Variants in LIN54 observed in about 807,000 individuals in gnomAD.
LIN54 encodes lin-54 DREAM MuvB core complex component.
LIN54 carries 9 observed loss-of-function variants against 78.7 expected under a neutral mutation model. The observed-to-expected ratio is 0.11, with a 90% CI of 0.07 to 0.20. The LOEUF (loss-of-function observed/expected upper bound fraction) is 0.20, where lower values mean the gene tolerates loss of function less well. Among genes scored for constraint, LIN54 ranks in the 10% least tolerant of loss-of-function variants. The pLI is 1.00. For synonymous variants in LIN54, 269 were observed against 318.4 expected (o/e 0.84, Z 1.65); for missense variants, 573 against 889.9 (o/e 0.64, Z 4.53).
chr4:82,932,610 G>A (rs1010957937), intron 11 of LIN54, among the ~76,000 whole-genome samples: 3 of 150,036 alleles, frequency 2.0e-5, no homozygotes, highest in South Asian at 2.1e-4. Flanking sequence ...CCTGAGGTCC[G>A]GAGTTCAAGA....
chr4:83,004,799 C>G (rs1578669953), intron 1 of LIN54, among the ~76,000 whole-genome samples: 1 of 151,956 alleles, frequency 6.6e-6, no homozygotes, highest in African/African-American at 2.4e-5. Context: ...GTGCCTGACC[C>G]AAAGATTGTT....
chr4:82,969,070 A>G (rs1725442942), intron 4 of LIN54, among the ~76,000 whole-genome samples: 1 of 152,056 alleles, frequency 6.6e-6, no homozygotes, highest in South Asian at 2.1e-4. Flanking sequence ...CCCTGAAGAT[A>G]AAGAAACCGT....
chr4:82,995,572 T>C (rs1040834516), intron 1 of LIN54, among the ~76,000 whole-genome samples: 1 of 138,332 alleles, frequency 7.2e-6, no homozygotes, highest in Admixed American at 8.1e-5. Flanking sequence ...CTCAGTTCAC[T>C]GCAACCTCTG....
intron 4 of LIN54, among the ~76,000 whole-genome samples, chr4:82,956,115 A>AT (rs961622101): frequency 5.9e-5 from 9 of 151,754 alleles, no homozygotes; most frequent in Non-Finnish European, 1.2e-4. Context: ...GCGCGGCTAA[A>AT]TTTTTTAGTA....
In LIN54 at chr4:82,925,791, G is replaced by A. The variant is rs901188502; in HGVS notation, c.*2311C>T. On this transcript the variant is annotated 3_prime_UTR_variant, in exon 13 of 13. Coordinates refer to ENST00000340417, the MANE Select transcript of LIN54 (RefSeq NM_194282.4). ...TCCTGTTTTTACAATATAGAAAAGT[G>A]TATTCTTTGAATAGCTCTAGTAAAT... 2 of 152,548 alleles carry A rather than the reference G, an allele frequency of 1.3e-5. No homozygotes were observed. The highest frequency in any genetic ancestry group is 4.8e-5 in the African/African-American group (2 of 41,434). The allele number at this position is 152,548 out of a possible 1,614,324, so 9.4% of individuals were successfully genotyped here. A position where few individuals can be genotyped will look rare whatever the true frequency, so the allele number is the denominator to read the frequency against.
Position 82,980,764 on chromosome 4 carries a change from C to T in LIN54, c.685-1758G>A, listed in dbSNP as rs1726569645. Reference sequence around the variant, plus strand: ...ATTGTATCTATAATATTAACAATCTCTAGAGGTAGAAGTATTAATATTCTT... The same window carrying T: ...ATTGTATCTATAATATTAACAATCTTTAGAGGTAGAAGTATTAATATTCTT... On this transcript the variant is annotated intron_variant, in intron 2 of 12. Coordinates refer to ENST00000340417, the MANE Select transcript of LIN54 (RefSeq NM_194282.4). Among the ~76,000 whole-genome samples the T allele has an allele frequency of 2.0e-5, 3 of 152,030 alleles. No homozygotes were observed. In the South Asian group the frequency reaches 6.2e-4, roughly 31 times the overall value.
chr4:82,936,242 A>G (rs560534585), intron 10 of LIN54, 37 bp downstream of exon 10: 37 of 1,511,638 alleles, frequency 2.4e-5, no homozygotes, highest in Middle Eastern at 3.5e-4. Context: ...ATGAAACTGG[A>G]TATTTCTGTC....
upstream of LIN54, chr4:83,012,053 A>G: frequency 1.0e-6 from 1 of 985,334 alleles, no homozygotes; most frequent in Non-Finnish European, 1.2e-6. Context: ...AAAAGTCGGT[A>G]GATTCAGCCT....
At position 82,987,418 on chromosome 4, in the gene LIN54, A is replaced by C. The variant is rs1302677704; in HGVS notation, c.-32-2542T>G. On this transcript the variant is annotated intron_variant, in intron 1 of 12. Coordinates refer to ENST00000340417, the MANE Select transcript of LIN54 (RefSeq NM_194282.4). ...TACTTTTCTAAGAAAAAAACAAAAA[A>C]CAAAAAACAAACGGGATACATGTGC... 2.0e-5 allele frequency among the ~76,000 whole-genome samples: 3 copies of C among 152,306 alleles called. No individual in the cohort carries two copies. In the South Asian group the frequency reaches 6.2e-4, roughly 32 times the overall value.
chr4:82,941,149 G>GATATATATATAGATATATATATAT (rs1553947747), intron 5 of LIN54, among the ~76,000 whole-genome samples: 3 of 131,144 alleles, frequency 2.3e-5, no homozygotes, highest in African/African-American at 9.1e-5. Context: ...GAGTTAAGAG[G>GATATATATATAGATATATATATAT]ATATATATAT....
intron 1 of LIN54, among the ~76,000 whole-genome samples, chr4:82,997,837 C>A (rs1283403628): frequency 6.6e-6 from 1 of 150,880 alleles, no homozygotes; most frequent in East Asian, 1.9e-4. Flanking sequence ...TGCAAAAATA[C>A]AAAAAAATTA....
chr4:82,957,664 G>C (rs1161282505), intron 4 of LIN54, among the ~76,000 whole-genome samples: 1 of 152,114 alleles, frequency 6.6e-6, no homozygotes, highest in Non-Finnish European at 1.5e-5. Flanking sequence ...GAAAACCTTA[G>C]CTTAGGATGC....
intron 4 of LIN54, among the ~76,000 whole-genome samples, chr4:82,954,015 C>T (rs1196109905): frequency 6.6e-6 from 1 of 151,984 alleles, no homozygotes; most frequent in Non-Finnish European, 1.5e-5. Flanking sequence ...TTAAAAAAAA[C>T]TATCTGTTCC....
chr4:82,940,680 C>T (rs1259911364), intron 5 of LIN54, among the ~76,000 whole-genome samples: 1 of 152,206 alleles, frequency 6.6e-6, no homozygotes, highest in African/African-American at 2.4e-5. Context: ...GGATTATAGG[C>T]GTAAGCCACT....
chr4:82,981,963 G>A (rs921006259), intron 2 of LIN54, among the ~76,000 whole-genome samples: 1 of 152,036 alleles, frequency 6.6e-6, no homozygotes, highest in Non-Finnish European at 1.5e-5. Context: ...GAGCTTGGGG[G>A]GTCAAGGCTG....
chr4:82,967,644 G>A (rs1725310631), intron 4 of LIN54, among the ~76,000 whole-genome samples: 1 of 152,228 alleles, frequency 6.6e-6, no homozygotes, highest in East Asian at 1.9e-4. Flanking sequence ...AAAGGCAGCT[G>A]GAGAGTACAC....
rs149775189 is a variant in LIN54, at chr4:82,984,669, G to A, written c.176C>T (p.Thr59Met). The A allele has an allele frequency of 2.0e-5, 33 of 1,614,030 alleles. No homozygotes were observed. The highest frequency in any genetic ancestry group is 1.3e-4 in the East Asian group (6 of 44,892). ...NINSTGDSTA[T>M]PISTEPITVY... ...TGTGATTGGTTCCGTGGAAATGGGC[G>A]TGGCTGTAGAGTCACCAGTAGAATT... Residue 59 changes from threonine (T) to methionine (M), a missense_variant, in exon 2 of 13, where the codon ACG (threonine) becomes ATG (methionine). Coordinates refer to ENST00000340417, the MANE Select transcript of LIN54 (RefSeq NM_194282.4).
intron 4 of LIN54, among the ~76,000 whole-genome samples, chr4:82,964,328 G>A (rs555290574): frequency 2.0e-5 from 3 of 152,164 alleles, no homozygotes; most frequent in African/African-American, 7.2e-5. Flanking sequence ...TGGGATTACA[G>A]GTGTAAGCCA....
intron 5 of LIN54, among the ~76,000 whole-genome samples, chr4:82,945,410 G>T (rs181258018): frequency 0.014 from 2,137 of 152,186 alleles, 22 homozygotes; most frequent in Non-Finnish European, 0.021. Context: ...TGGTAAGAAG[G>T]GTTAAACACA....
Sources: gnomAD v4.1 joint callset for allele counts (sites outside exome capture counted in the v4.1 genomes callset) on GRCh38, gnomAD v4.1.1 for gene constraint, MANE v1.5 for transcripts, NCBI Gene and HGNC (gene_info 2026-07-23, HGNC 2026-07-21) for gene names.